BPNT2: variants seen among roughly 807,000 people sequenced by gnomAD.
BPNT2 encodes Golgi-resident adenosine 3',5'-bisphosphate 3'-phosphatase.
A neutral mutation model predicts 29.3 loss-of-function variants in BPNT2; 11 were observed. That is an observed-to-expected ratio of 0.38 (90% CI 0.24 to 0.62). The LOEUF is 0.62. BPNT2 is among the 20% of genes least tolerant of loss of function. The pLI is 0.62. For synonymous variants in BPNT2, 195 were observed against 187.7 expected, an observed-to-expected ratio of 1.04 and a Z score of -0.32; for missense variants, 459 against 473.4, an observed-to-expected ratio of 0.97 and a Z score of 0.28.
At chr8:56,979,439 T>C (rs1040998173) in intron 2 of BPNT2, among the ~76,000 whole-genome samples, 2 of 152,220 alleles carry the variant, frequency 1.3e-5, no homozygotes, top group African/African-American at 4.8e-5. Flanking sequence ...TAATTTTAGT[T>C]ACTATTAGAT....
At chr8:56,985,568 A>T (rs912274183) in intron 1 of BPNT2, among the ~76,000 whole-genome samples, 1 of 152,234 alleles carries the variant, frequency 6.6e-6, no homozygotes, top group East Asian at 1.9e-4. Context: ...AAGCATAAAA[A>T]GGTTCTAGAA....
intron 2 of BPNT2, among the ~76,000 whole-genome samples, chr8:56,978,728 A>G (rs1432603070): frequency 1.3e-5 from 2 of 152,144 alleles, no homozygotes; most frequent in African/African-American, 4.8e-5. Context: ...AAAGAACATG[A>G]TCAGGTCCTT....
intron 1 of BPNT2, among the ~76,000 whole-genome samples, chr8:56,982,718 T>G (rs2129205879): frequency 6.6e-6 from 1 of 152,000 alleles, no homozygotes; most frequent in Non-Finnish European, 1.5e-5. Context: ...GAGAAAGGAC[T>G]GTTAGAGAGT....
chr8:56,976,948 A>G (rs1288922965), intron 3 of BPNT2, among the ~76,000 whole-genome samples: 1 of 152,172 alleles, frequency 6.6e-6, no homozygotes, highest in Non-Finnish European at 1.5e-5. Context: ...ATGATGTCAC[A>G]AATGGAAAAT....
At chr8:56,980,690 A>T (rs1253747797) in intron 1 of BPNT2, among the ~76,000 whole-genome samples, 1 of 151,616 alleles carries the variant, frequency 6.6e-6, no homozygotes, top group Non-Finnish European at 1.5e-5. Flanking sequence ...CTTACCATAC[A>T]GATATGTAAG....
Position 56,980,169 on chromosome 8 carries a change from G to C in BPNT2, c.416C>G (p.Ala139Gly), listed in dbSNP as rs761357561. The C allele has an allele frequency of 3.1e-6, 5 of 1,613,676 alleles. No homozygotes were observed. The South Asian group carries it at 5.5e-5, about 18-fold the overall frequency. Residue 139 changes from alanine (A) to glycine (G), a missense_variant, in exon 2 of 5, where the codon GCT (alanine) becomes GGT (glycine). Physicochemically the swap from Ala to Gly is moderately conservative, Grantham distance 60 (BLOSUM62 0). Transcript: ENST00000262644. ...QINTEEHVDAADQEVILWDHK... is the reference protein window; with the variant it reads ...QINTEEHVDAGDQEVILWDHK... ...ATCCCACAAGATAACCTCCTGATCA[G>C]CTGCATCCACGTGTTCCTCAGTATT...
intron 3 of BPNT2, 70 bp downstream of exon 3, chr8:56,977,980 C>T (rs550950547): frequency 2.0e-6 from 2 of 979,552 alleles, no homozygotes; most frequent in East Asian, 2.4e-5. Flanking sequence ...AATTTAGGTA[C>T]ATGACAGTAA....
chr8:56,965,226 C>T (rs1474817551), intron 4 of BPNT2, among the ~76,000 whole-genome samples: 6 of 151,958 alleles, frequency 3.9e-5, no homozygotes, highest in Admixed American at 2.6e-4. Context: ...GGCTGAGGCA[C>T]GAAAATCACC....
intron 1 of BPNT2, among the ~76,000 whole-genome samples, chr8:56,982,916 C>T (rs62512028): frequency 0.093 from 14,145 of 152,060 alleles, 870 homozygotes; most frequent in Non-Finnish European, 0.14. Flanking sequence ...GCCATATATA[C>T]GAATAAAGTA....
Position 56,958,761 on chromosome 8 carries a change from G to C in BPNT2, c.*5032C>G, listed in dbSNP as rs562444670. ...GAAAAACCAGCCCTAGCAGTGCCCT[G>C]TCATCATGGCAGAGCACTGTCTCTT... On this transcript the variant is annotated 3_prime_UTR_variant, in exon 5 of 5. Coordinates refer to ENST00000262644, the MANE Select transcript of BPNT2 (RefSeq NM_017813.5). 2.0e-5 allele frequency: 3 copies of C among 152,302 alleles called. No homozygotes were observed. In the South Asian group the frequency reaches 6.2e-4, roughly 32 times the overall value. 9.4% of individuals were successfully genotyped at this position (152,302 alleles called of 1,614,324 possible). A position where few individuals can be genotyped will look rare whatever the true frequency, so the allele number is the denominator to read the frequency against.
At position 56,963,792 on chromosome 8, in the gene BPNT2, C is replaced by T; in HGVS notation, c.*1G>A. On this transcript the variant is annotated 3_prime_UTR_variant, in exon 5 of 5. Transcript: ENST00000262644. ...GAACTGTACCCTGTAATCAGTTATG[C>T]TCATTTATGTCCTGTCTTTTCTAGA... is the stretch of plus-strand genomic sequence containing the variant. The T allele has an allele frequency of 6.2e-7, 1 of 1,614,088 alleles. No homozygotes were observed. The highest frequency in any genetic ancestry group is 1.1e-5 in the South Asian group (1 of 91,076).
chr8:56,965,251 G>A (rs1162700171), intron 4 of BPNT2, among the ~76,000 whole-genome samples: 3 of 152,090 alleles, frequency 2.0e-5, no homozygotes, highest in South Asian at 2.1e-4. Flanking sequence ...CCCAGGAGGC[G>A]GAGGTTGCGA....
At chr8:56,968,874 T>A (rs991022923) in intron 3 of BPNT2, among the ~76,000 whole-genome samples, 3 of 152,214 alleles carry the variant, frequency 2.0e-5, no homozygotes, top group Admixed American at 6.5e-5. Context: ...GGAAGCAGGA[T>A]CTTTGCAAAT....
rs753637053 is a variant in BPNT2 at position 56,993,253 on chromosome 8, C to T, written c.333G>A (p.Val111=). The change falls in exon 1 of 5, where the codon GTG becomes GTA. Residue 111 remains valine (V), a synonymous_variant. Coordinates refer to ENST00000262644, the MANE Select transcript of BPNT2 (RefSeq NM_017813.5). ...GAEDKMTSGD[V]LSNRKMFYLL... ...GGTAGAACATCTTGCGGTTGGACAGCACGTCGCCGCTGGTCATCTTGTCCT... is the reference window on the plus strand; with the variant it reads ...GGTAGAACATCTTGCGGTTGGACAGTACGTCGCCGCTGGTCATCTTGTCCT... The T allele has an allele frequency of 5.5e-5, 89 of 1,608,846 alleles. No individual in the cohort carries two copies. Among genetic ancestry groups the T allele is most frequent in the Non-Finnish European group, 7.2e-5 (85 of 1,179,872 alleles).
Position 56,962,089 on chromosome 8 carries a change from CTT to C in BPNT2, c.*1702_*1703del, listed in dbSNP as rs927777503. Reference sequence around the variant, plus strand: ...GGAAAAAAATGAGGTCTCTGATACTCTTTTCAAAATTTTCAAGTCCTATTTAA... The same window carrying C: ...GGAAAAAAATGAGGTCTCTGATACTCTTCAAAATTTTCAAGTCCTATTTAA... On this transcript the variant is annotated 3_prime_UTR_variant, in exon 5 of 5. Transcript: ENST00000262644. The C allele has an allele frequency of 2.0e-4, 30 of 152,284 alleles. No homozygotes were observed. The highest frequency in any genetic ancestry group is 7.0e-4 in the African/African-American group (29 of 41,558). 9.4% of individuals were successfully genotyped at this position (152,284 alleles called of 1,614,324 possible).
At position 56,966,214 on chromosome 8, in the gene BPNT2, G is replaced by A; in HGVS notation, c.785C>T (p.Thr262Ile). 6.2e-7 allele frequency: 1 copy of A among 1,614,188 alleles called. No homozygotes were observed. The highest frequency in any genetic ancestry group is 8.5e-7 in the Non-Finnish European group (1 of 1,180,026). Residue 262 changes from threonine (T) to isoleucine (I), a missense_variant, in exon 4 of 5, where the codon ACA becomes ATA. Transcript: ENST00000262644. ...VALQTFGNQT[T>I]IIPAGGAGYK... ...ACCAGCACCACCAGCTGGGATAATTGTAGTCTGGTTTCCAAAAGTCTGAAG... is the reference window on the plus strand; with the variant it reads ...ACCAGCACCACCAGCTGGGATAATTATAGTCTGGTTTCCAAAAGTCTGAAG...
intron 1 of BPNT2, among the ~76,000 whole-genome samples, chr8:56,986,794 A>T (rs1806332299): frequency 1.3e-5 from 2 of 152,200 alleles, no homozygotes; most frequent in Admixed American, 1.3e-4. Context: ...AAAACTGGAA[A>T]ACAGAATGGT....
At chr8:56,979,290 A>T (rs1447282444) in intron 2 of BPNT2, among the ~76,000 whole-genome samples, 1 of 152,202 alleles carries the variant, frequency 6.6e-6, no homozygotes, top group East Asian at 1.9e-4. Context: ...GATGCTTAAG[A>T]AAGTCCCTGC....
At chr8:56,969,265 C>T (rs1805995655) in intron 3 of BPNT2, among the ~76,000 whole-genome samples, 1 of 152,152 alleles carries the variant, frequency 6.6e-6, no homozygotes, top group Non-Finnish European at 1.5e-5. Flanking sequence ...TATAACTAGC[C>T]AAGTAGTCTT....
Sources: allele counts gnomAD v4.1 joint callset (sites outside exome capture counted in the v4.1 genomes callset), GRCh38; gene constraint gnomAD v4.1.1; transcripts MANE v1.5; gene names NCBI Gene and HGNC (gene_info 2026-07-23, HGNC 2026-07-21).